NKD2: variants seen among roughly 807,000 people sequenced by gnomAD.
The protein encoded by NKD2 is protein naked cuticle homolog 2.
NKD2 carries 43 observed loss-of-function variants against 34.8 expected under a neutral mutation model. That is an observed-to-expected ratio of 1.24 (90% CI 0.97 to 1.60). The LOEUF (loss-of-function observed/expected upper bound fraction) is 1.60, where lower values mean the gene tolerates loss of function less well. NKD2 is among the 40% of genes most tolerant of loss of function. NKD2 has a pLI of 0.00. For missense variants in NKD2, 675 were observed against 627.1 expected (o/e 1.08, Z -0.82); for synonymous variants, 278 against 265.1 (o/e 1.05, Z -0.47).
In NKD2 at chr5:1,030,370, C is replaced by T. The variant is rs879791897; in HGVS notation, c.142-1782C>T. ...GCTGCCCTTATGACACCATTTCTGT[C>T]GGCAGCCACCTCCAAGCACCTGCAC... On this transcript the variant is annotated intron_variant, in intron 3 of 9. Transcript: ENST00000296849. 4.6e-5 allele frequency among the ~76,000 whole-genome samples: 7 copies of T among 152,232 alleles called. No homozygotes were observed. In the South Asian group the frequency reaches 6.2e-4, roughly 14 times the overall value.
intron 9 of NKD2, chr5:1,036,913 CAGTGTGG>C (rs1733992230): frequency 2.4e-6 from 1 of 408,208 alleles, no homozygotes; most frequent in East Asian, 8.1e-5. Flanking sequence ...GGCAGCCAGG[CAGTGTGG>C]ACGGCGGGCA....
chr5:1,032,630 C>T (rs865882716), intron 4 of NKD2, among the ~76,000 whole-genome samples: 6 of 152,212 alleles, frequency 3.9e-5, no homozygotes, highest in South Asian at 2.1e-4. Context: ...CTACCTGTGG[C>T]GCGTGGCAGG....
At position 1,009,482 on chromosome 5, in the gene NKD2, G is replaced by A. The variant is rs960314328; in HGVS notation, c.63G>A (p.Gly21=). 2.4e-5 allele frequency: 36 copies of A among 1,500,304 alleles called. No homozygotes were observed. Among genetic ancestry groups the A allele is most frequent in the Non-Finnish European group, 2.6e-5 (29 of 1,132,752 alleles). 92.9% of individuals were successfully genotyped at this position (1,500,304 alleles called of 1,614,324 possible). ...CGCGCGTCCGCCCCCGGACCGCAGG[G>A]GACAGCTTCGTGGCGTCCGCGTACG... ...AARKRRESPE[G]DSFVASAYAS... The change falls in exon 3 of 10, where the codon GGG becomes GGA. Residue 21 remains glycine (G), a splice_region_variant and synonymous_variant. Coordinates refer to ENST00000296849, the MANE Select transcript of NKD2 (RefSeq NM_033120.4). The surrounding 1 kb of genome is among the most constrained non-coding windows in gnomAD (Gnocchi z 6.9).
chr5:1,019,323 CAA>C (rs1216594078), intron 3 of NKD2, among the ~76,000 whole-genome samples: 1 of 152,188 alleles, frequency 6.6e-6, no homozygotes, highest in Non-Finnish European at 1.5e-5. Context: ...TGTCCCGTAA[CAA>C]AGATGCGCGT....
chr5:1,013,560 T>C (rs940921043), intron 3 of NKD2, among the ~76,000 whole-genome samples: 1 of 152,224 alleles, frequency 6.6e-6, no homozygotes, highest in African/African-American at 2.4e-5. Context: ...CTGAGAGCCA[T>C]AGGACGGGTT....
At position 1,038,405 on chromosome 5, in the gene NKD2, C is replaced by T; in HGVS notation, c.*32C>T. ...TGCCAAGCACACCTCGCTCCCAGCA[C>T]ACCACAGCCCGCGACCTCAGGGCAG... is the stretch of plus-strand genomic sequence containing the variant. On this transcript the variant is annotated 3_prime_UTR_variant, in exon 10 of 10. Transcript: ENST00000296849. The surrounding 1 kb of genome is among the most constrained non-coding windows in gnomAD (Gnocchi z 4.5). 2 of 1,535,784 alleles carry T rather than the reference C, an allele frequency of 1.3e-6. No homozygotes were observed. The highest frequency in any genetic ancestry group is 4.9e-5 in the East Asian group (2 of 40,882).
intron 9 of NKD2, 113 bp downstream of exon 9, chr5:1,036,497 C>T (rs1460430166): frequency 1.7e-6 from 1 of 579,152 alleles, no homozygotes; most frequent in Non-Finnish European, 2.7e-6. Context: ...GCCCCGCCCC[C>T]CCCCAACCCC....
At chr5:1,030,333 TTGG>T (rs1219598774) in intron 3 of NKD2, among the ~76,000 whole-genome samples, 1 of 152,148 alleles carries the variant, frequency 6.6e-6, no homozygotes, top group East Asian at 1.9e-4. Flanking sequence ...AGCCTGGGCA[TTGG>T]TGGCCTTGGC....
At chr5:1,026,776 G>T (rs1045739241) in intron 3 of NKD2, among the ~76,000 whole-genome samples, 3 of 152,256 alleles carry the variant, frequency 2.0e-5, no homozygotes, top group Admixed American at 1.3e-4. Flanking sequence ...AGCCCCCGAG[G>T]CAGGAGGTCA....
intron 8 of NKD2, among the ~76,000 whole-genome samples, 153 bp downstream of exon 8, chr5:1,035,626 G>A (rs947386566): frequency 3.3e-5 from 5 of 152,258 alleles, no homozygotes; most frequent in Non-Finnish European, 5.9e-5. Flanking sequence ...GTGGGGCATG[G>A]GCCCTTCCAG....
chr5:1,015,165 G>T (rs954433948), intron 3 of NKD2, among the ~76,000 whole-genome samples: 1 of 152,250 alleles, frequency 6.6e-6, no homozygotes, highest in South Asian at 2.1e-4. Context: ...AGAGGGGTGC[G>T]TGAGTCCGTG....
chr5:1,013,227 TC>T (rs1755825177), intron 3 of NKD2, among the ~76,000 whole-genome samples: 1 of 152,148 alleles, frequency 6.6e-6, no homozygotes, highest in Non-Finnish European at 1.5e-5. Context: ...CAACCTTCTG[TC>T]TTCTGTGACT....
Position 1,036,495 on chromosome 5 carries a change from C to T in NKD2, c.787+111C>T, listed in dbSNP as rs1394748724. 1.1e-5 allele frequency: 6 copies of T among 556,350 alleles called. No individual in the cohort carries two copies. The East Asian group carries it at 1.3e-4, about 12-fold the overall frequency. The allele number at this position is 556,350 out of a possible 1,614,324, so 34.5% of individuals were successfully genotyped here. ...GGGCCCCTCCCTGCCCTGCCCCGCC[C>T]CCCCCCAACCCCCCCCACCCCACCC... On this transcript the variant is annotated intron_variant, in intron 9 of 9. Transcript: ENST00000296849.
chr5:1,013,761 A>C (rs1206411223), intron 3 of NKD2, among the ~76,000 whole-genome samples: 2 of 152,120 alleles, frequency 1.3e-5, no homozygotes, highest in Non-Finnish European at 2.9e-5. Flanking sequence ...GGGCCAGTGG[A>C]TCTGTGTTGC....
At position 1,032,231 on chromosome 5, in the gene NKD2, G is replaced by GAGGGA; in HGVS notation, c.202+19_202+20insAGGGA. On this transcript the variant is annotated intron_variant, in intron 4 of 9. Coordinates refer to ENST00000296849, the MANE Select transcript of NKD2 (RefSeq NM_033120.4). ...CTACAGGGTGAGTGCAGCTCCCGCA[G>GAGGGA]CCCTCCCTCCCCAAACTCACAGACT... 26 of 1,596,398 alleles carry GAGGGA rather than the reference G, an allele frequency of 1.6e-5. No homozygotes were observed. The highest frequency in any genetic ancestry group is 2.2e-5 in the Non-Finnish European group (26 of 1,167,076).
chr5:1,038,815 G>T lies in NKD2; in HGVS notation c.*442G>T, dbSNP rs1734163223. 2.8e-6 allele frequency: 1 copy of T among 351,566 alleles called. No homozygotes were observed. The highest frequency in any genetic ancestry group is 5.4e-6 in the Non-Finnish European group (1 of 184,250). 21.8% of individuals were successfully genotyped at this position (351,566 alleles called of 1,614,324 possible). On this transcript the variant is annotated 3_prime_UTR_variant, in exon 10 of 10. Transcript: ENST00000296849. The surrounding 1 kb of genome is among the most constrained non-coding windows in gnomAD (Gnocchi z 4.5). ...AATGGAAAAGCTGAGGCTTTGCCTG[G>T]CTTGTGCATCATGAAGTGAGAGGGG...
Position 1,014,789 on chromosome 5 carries a change from T to G in NKD2, c.141+5229T>G. 1.3e-5 allele frequency among the ~76,000 whole-genome samples: 2 copies of G among 152,202 alleles called. 1 individual carries two copies. The highest frequency in any genetic ancestry group is 2.9e-5 in the Non-Finnish European group (2 of 68,038). Reference sequence around the variant, plus strand: ...TTGCGGCCAAGGGATACCCACTTGGTCAGCCCCGACAGAGGCTGTGAATGA... The same window carrying G: ...TTGCGGCCAAGGGATACCCACTTGGGCAGCCCCGACAGAGGCTGTGAATGA... On this transcript the variant is annotated intron_variant, in intron 3 of 9. Coordinates refer to ENST00000296849, the MANE Select transcript of NKD2 (RefSeq NM_033120.4).
chr5:1,032,513 A>G (rs1756684967), intron 4 of NKD2, among the ~76,000 whole-genome samples: 1 of 152,220 alleles, frequency 6.6e-6, no homozygotes, highest in Non-Finnish European at 1.5e-5. Context: ...GTGGCTCTGT[A>G]TAAAGGGGAC....
rs1223365953 is a variant in NKD2, at chr5:1,038,445, G to A, written c.*72G>A. The A allele has an allele frequency of 1.3e-6, 2 of 1,535,410 alleles. No homozygotes were observed. The highest frequency in any genetic ancestry group is 1.4e-5 in the African/African-American group (1 of 72,958). On this transcript the variant is annotated 3_prime_UTR_variant, in exon 10 of 10. Transcript: ENST00000296849. This position sits in a 1 kb window ranked among gnomAD's most constrained non-coding sequence, Gnocchi z 4.5. Reference sequence around the variant, plus strand: ...CCTCAGGGCAGGGAGCAGAGCAGCTGCCGGCTGTGTGCCCATGGGGAGCCC... The same window carrying A: ...CCTCAGGGCAGGGAGCAGAGCAGCTACCGGCTGTGTGCCCATGGGGAGCCC...
Sources: allele counts gnomAD v4.1 joint callset (sites outside exome capture counted in the v4.1 genomes callset), GRCh38; gene constraint gnomAD v4.1.1; non-coding constraint Gnocchi (gnomAD v3.1); transcripts MANE v1.5; gene names NCBI Gene and HGNC (gene_info 2026-07-23, HGNC 2026-07-21).